The following DSC2 variants were observed in gnomAD, a reference collection of about 807,000 sequenced individuals.
DSC2 encodes desmocollin 2.
In DSC2, 51 loss-of-function variants were observed where a neutral mutation model predicts 87.6. That is an observed-to-expected ratio of 0.58 (90% CI 0.46 to 0.74). The LOEUF is 0.74. DSC2 is among the 30% of genes least tolerant of loss of function. The probability of loss-of-function intolerance (pLI) is 0.00; values close to 1 mark genes in which losing one functional copy is unlikely to be tolerated. For missense variants in DSC2, 1,066 were observed against 1,089.5 expected, an observed-to-expected ratio of 0.98 and a Z score of 0.30; for synonymous variants, 383 against 393.2, an observed-to-expected ratio of 0.97 and a Z score of 0.31.
rs547130799 is a variant in DSC2 at position 31,066,022 on chromosome 18, C to T, written c.*1993G>A. On this transcript the variant is annotated 3_prime_UTR_variant, in exon 16 of 16. Transcript: ENST00000280904. ...TATCAGGAGTGCCTTTTAGGTGGAC[C>T]GCTCTGTATGACTCTCATGCTTCAA... 5.9e-5 allele frequency: 9 copies of T among 152,062 alleles called. No individual in the cohort carries two copies. The highest frequency in any genetic ancestry group is 4.2e-4 in the South Asian group (2 of 4,812). The allele number at this position is 152,062 out of a possible 1,614,324, so 9.4% of individuals were successfully genotyped here.
chr18:31,070,815 T>G lies in DSC2; in HGVS notation c.2161A>C (p.Thr721Pro), dbSNP rs1986800859. 1 of 1,613,808 alleles carries G rather than the reference T, an allele frequency of 6.2e-7. No individual in the cohort carries two copies. Among genetic ancestry groups the G allele is most frequent in the Non-Finnish European group, 8.5e-7 (1 of 1,179,886 alleles). The part of the protein sequence containing the change: ...LFTLVCGASG[T>P]SKQPKVIPDD... The stretch of plus-strand genomic sequence containing the variant: ...GGAATTACTTTTGGTTGTTTAGACG[T>G]CCCAGAAGCCCCACAGACCAGCGTA... The change falls in exon 14 of 16, where the codon ACG becomes CCG. Residue 721 changes from threonine (T) to proline (P), a missense_variant. Transcript: ENST00000280904.
At position 31,064,806 on chromosome 18, in the gene DSC2, C is replaced by T. The variant is rs1385702155; in HGVS notation, c.*3209G>A. The T allele has an allele frequency of 2.0e-5, 3 of 152,042 alleles. No individual in the cohort carries two copies. The highest frequency in any genetic ancestry group is 7.2e-5 in the African/African-American group (3 of 41,392). 9.4% of individuals were successfully genotyped at this position (152,042 alleles called of 1,614,324 possible). A position where few individuals can be genotyped will look rare whatever the true frequency, so the allele number is the denominator to read the frequency against. On this transcript the variant is annotated 3_prime_UTR_variant, in exon 16 of 16. Transcript: ENST00000280904. The stretch of plus-strand genomic sequence containing the variant: ...TGGAGATGATACTAAAGGGGCTGAT[C>T]AGAGCAAAGTCAGTTGTCAAGACTT...
chr18:31,088,558 T>C lies in DSC2; in HGVS notation c.631-745A>G, dbSNP rs1987481155. Among the ~76,000 whole-genome samples, 6 of 152,316 alleles carry C rather than the reference T, an allele frequency of 3.9e-5. No homozygotes were observed. In the South Asian group the frequency reaches 1.2e-3, roughly 32 times the overall value. ...ATTAATTTGGTCTTCTAATGAATAA[T>C]TAATTCATCCAAAATAGACATAAAA... On this transcript the variant is annotated intron_variant, in intron 5 of 15. Coordinates refer to ENST00000280904, the MANE Select transcript of DSC2 (RefSeq NM_024422.6).
intron 11 of DSC2, among the ~76,000 whole-genome samples, chr18:31,077,265 T>A (rs974438274): frequency 1.3e-5 from 2 of 152,228 alleles, no homozygotes; most frequent in African/African-American, 4.8e-5. Context: ...TAGAGCAGAA[T>A]AATTTCTGTC....
In DSC2 at chr18:31,089,563, A is replaced by G. The variant is rs1185834011; in HGVS notation, c.506T>C (p.Ile169Thr). The G allele has an allele frequency of 1.2e-6, 2 of 1,613,958 alleles. No homozygotes were observed. Among genetic ancestry groups the G allele is most frequent in the Non-Finnish European group, 1.7e-6 (2 of 1,179,914 alleles). ...TCCAGGACCTCTTATGGAATAGTAT[A>G]TGGTATAGTTTTGGGCCGTGTCAGA... Reference protein sequence around the residue: ...VQSDTAQNYTIYYSIRGPGVD... With the variant: ...VQSDTAQNYTTYYSIRGPGVD... The change falls in exon 5 of 16, where the codon ATA (isoleucine) becomes ACA (threonine). Residue 169 changes from isoleucine (I) to threonine (T), a missense_variant. By Grantham distance (89) the Ile-to-Thr change is moderately conservative. Coordinates refer to ENST00000280904, the MANE Select transcript of DSC2 (RefSeq NM_024422.6).
rs377467530 is a variant in DSC2, at chr18:31,089,394, C to T, written c.630+45G>A. ...AATTGCAAATGAGAGACAAAATGGC[C>T]AAGCATCATCATTGCTAATACAGTA... On this transcript the variant is annotated intron_variant, in intron 5 of 15. Transcript: ENST00000280904. 157 of 1,610,122 alleles carry T rather than the reference C, an allele frequency of 9.8e-5. 1 individual carries two copies. Among genetic ancestry groups the T allele is most frequent in the Non-Finnish European group, 1.2e-4 (139 of 1,177,578 alleles).
intron 5 of DSC2, 140 bp downstream of exon 5, chr18:31,089,299 G>A: frequency 1.2e-6 from 1 of 815,934 alleles, no homozygotes; most frequent in South Asian, 1.6e-5. Context: ...TTTGTTTCAA[G>A]TCAATTATGT....
rs970897852 is a variant in DSC2 at position 31,059,349 on chromosome 18, G to A, written c.*8666C>T. ...AGATAGTGCATAACAAATTACTGAC[G>A]ACAAATCCTAAGTGCGTTAAAGTAA... On this transcript the variant is annotated 3_prime_UTR_variant, in exon 16 of 16. Transcript: ENST00000280904. The A allele has an allele frequency of 6.6e-6, 1 of 152,074 alleles. No individual in the cohort carries two copies. Among genetic ancestry groups the A allele is most frequent in the African/African-American group, 2.4e-5 (1 of 41,414 alleles). The allele number at this position is 152,074 out of a possible 1,614,324, so 9.4% of individuals were successfully genotyped here.
intron 3 of DSC2, 52 bp from the exon 4 acceptor site, chr18:31,091,199 C>T (rs1410485280): frequency 2.5e-6 from 4 of 1,601,912 alleles, no homozygotes; most frequent in Admixed American, 3.4e-5. Flanking sequence ...ACTTTATTCT[C>T]AAACATTAAA....
Position 31,082,282 on chromosome 18 carries a change from C to T in DSC2, c.1219G>A (p.Val407Ile). 1 of 1,613,696 alleles carries T rather than the reference C, an allele frequency of 6.2e-7. No individual in the cohort carries two copies. The highest frequency in any genetic ancestry group is 8.5e-7 in the Non-Finnish European group (1 of 1,179,906). The change falls in exon 9 of 16, where the codon GTA becomes ATA. Residue 407 changes from valine (V) to isoleucine (I), a missense_variant. Val to Ile is a conservative substitution (Grantham distance 29). Coordinates refer to ENST00000280904, the MANE Select transcript of DSC2 (RefSeq NM_024422.6). Reference sequence around the variant, plus strand: ...CCTTCATTGGTTTTGGCATCTGTTACAATTTTAAAATTGCCATTTTCATTG... The same window carrying T: ...CCTTCATTGGTTTTGGCATCTGTTATAATTTTAAAATTGCCATTTTCATTG... Reference protein sequence around the residue: ...KGNENGNFKIVTDAKTNEGVL... With the variant: ...KGNENGNFKIITDAKTNEGVL...
intron 14 of DSC2, 103 bp downstream of exon 14, chr18:31,070,623 C>G (rs1986790221): frequency 6.6e-7 from 1 of 1,514,284 alleles, no homozygotes; most frequent in African/African-American, 1.4e-5. Flanking sequence ...TGGTAAATTG[C>G]CTGATACCAA....
intron 9 of DSC2, among the ~76,000 whole-genome samples, chr18:31,080,843 A>T (rs112606558): frequency 0.022 from 3,283 of 152,286 alleles, 34 homozygotes; most frequent in Non-Finnish European, 0.035. Flanking sequence ...GTAGTTCTTT[A>T]TAACAATGTG....
chr18:31,094,855 G>A (rs1446744676), intron 1 of DSC2, among the ~76,000 whole-genome samples: 1 of 152,174 alleles, frequency 6.6e-6, no homozygotes, highest in Non-Finnish European at 1.5e-5. Flanking sequence ...ATAGCCAAGA[G>A]AGAATAGGAG....
Position 31,068,055 on chromosome 18 carries a change from G to A in DSC2, c.2666C>T (p.Pro889Leu). ...DGLEFLDNLE[P>L]KFRTLAEACM... Reference sequence around the variant, plus strand: ...TGCTTCTGCTAGTGTCCTAAATTTGGGCTCCAAATTATCCAAAAATTCAAG... The same window carrying A: ...TGCTTCTGCTAGTGTCCTAAATTTGAGCTCCAAATTATCCAAAAATTCAAG... Residue 889 changes from proline (P) to leucine (L), a missense_variant, in exon 16 of 16, where the codon CCC (proline) becomes CTC (leucine). Coordinates refer to ENST00000280904, the MANE Select transcript of DSC2 (RefSeq NM_024422.6). 1 of 1,613,496 alleles carries A rather than the reference G, an allele frequency of 6.2e-7. No homozygotes were observed. The highest frequency in any genetic ancestry group is 1.1e-5 in the South Asian group (1 of 91,040).
At chr18:31,068,235 G>A (rs759223098) in intron 15 of DSC2, 23 bp from the exon 16 acceptor site, 13 of 1,613,208 alleles carry the variant, frequency 8.1e-6, no homozygotes, top group South Asian at 1.1e-5. Flanking sequence ...AAAACACAAC[G>A]TTTTTATTAT....
intron 14 of DSC2, 148 bp downstream of exon 14, chr18:31,070,578 C>A (rs1986789164): frequency 2.8e-6 from 3 of 1,071,482 alleles, no homozygotes; most frequent in East Asian, 5.3e-5. Flanking sequence ...AAATCAAAGT[C>A]ATTTTATCTG....
At chr18:31,088,351 T>C (rs531845594) in intron 5 of DSC2, among the ~76,000 whole-genome samples, 1 of 152,270 alleles carries the variant, frequency 6.6e-6, no homozygotes, top group South Asian at 2.1e-4. Flanking sequence ...ATGAAACAAA[T>C]GAATGGTGGT....
intron 13 of DSC2, 63 bp from the exon 14 acceptor site, chr18:31,070,913 A>C (rs1323048722): frequency 6.4e-7 from 1 of 1,557,442 alleles, no homozygotes; most frequent in Admixed American, 1.7e-5. Context: ...TAAATGTACA[A>C]TGGTTAATAC....
In DSC2 at chr18:31,074,920, AAAT is replaced by A; in HGVS notation, c.1664-16_1664-14del. On this transcript the variant is annotated splice_polypyrimidine_tract_variant and intron_variant, in intron 11 of 15. Transcript: ENST00000280904. ...CATGTTCTCCCTCCTAGAAAAATGA[AAAT>A]AAAAATAGTTTTTCTATGTTTTGAG... 6.2e-7 allele frequency: 1 copy of A among 1,605,382 alleles called. No individual in the cohort carries two copies. The highest frequency in any genetic ancestry group is 8.5e-7 in the Non-Finnish European group (1 of 1,175,158).
Sources: allele counts gnomAD v4.1 joint callset (sites outside exome capture counted in the v4.1 genomes callset), GRCh38; gene constraint gnomAD v4.1.1; transcripts MANE v1.5; gene names NCBI Gene and HGNC (gene_info 2026-07-23, HGNC 2026-07-21).